The following FHIT variants were observed in gnomAD, a reference collection of about 807,000 sequenced individuals.
The protein encoded by FHIT is bis(5'-adenosyl)-triphosphatase.
FHIT carries 19 observed loss-of-function variants against 17.9 expected under a neutral mutation model. That is an observed-to-expected ratio of 1.06 (90% CI 0.74 to 1.56). The LOEUF is 1.56. FHIT is among the 40% of genes most tolerant of loss of function. FHIT has a pLI of 0.00. For synonymous variants in FHIT, 81 were observed against 69.7 expected (o/e 1.16, Z -0.81); for missense variants, 248 against 189.2 (o/e 1.31, Z -1.82).
At chr3:60,917,647 T>C (rs1448018428) in intron 3 of FHIT, among the ~76,000 whole-genome samples, 1 of 152,202 alleles carries the variant, frequency 6.6e-6, no homozygotes, top group Non-Finnish European at 1.5e-5. Context: ...TTCAGATGTT[T>C]TTCCTCCTTC....
intron 5 of FHIT, among the ~76,000 whole-genome samples, chr3:60,264,771 C>A (rs543138611): frequency 1.3e-5 from 2 of 151,892 alleles, no homozygotes; most frequent in Non-Finnish European, 2.9e-5. Flanking sequence ...AAACCATGTA[C>A]TCATTAATGA....
At chr3:59,835,411 A>C (rs1183538889) in intron 8 of FHIT, among the ~76,000 whole-genome samples, 1 of 152,164 alleles carries the variant, frequency 6.6e-6, no homozygotes, top group African/African-American at 2.4e-5. Flanking sequence ...TTACCTTCAT[A>C]ATAAAGAGAG....
rs144675880 is a variant in FHIT, at chr3:60,289,461, C to T, written c.103+247399G>A. The stretch of plus-strand genomic sequence containing the variant: ...TCCTTGTGGATTATAAAAGAGGAAA[C>T]GACTAACAGAAAAGGAATTATTCAC... On this transcript the variant is annotated intron_variant, in intron 5 of 9. Coordinates refer to ENST00000492590, the MANE Select transcript of FHIT (RefSeq NM_002012.4). Among the ~76,000 whole-genome samples the T allele has an allele frequency of 6.4e-4, 97 of 152,106 alleles. 1 individual carries two copies. In the East Asian group the frequency reaches 0.014, roughly 21 times the overall value.
At chr3:61,024,037 AC>A (rs1395255550) in intron 3 of FHIT, among the ~76,000 whole-genome samples, 2 of 152,162 alleles carry the variant, frequency 1.3e-5, no homozygotes, top group Admixed American at 6.5e-5. Flanking sequence ...TTCATGTTGG[AC>A]AGTATTATAA....
intron 8 of FHIT, among the ~76,000 whole-genome samples, chr3:59,863,958 T>A (rs1160538828): frequency 1.3e-5 from 2 of 152,156 alleles, no homozygotes; most frequent in Non-Finnish European, 2.9e-5. Flanking sequence ...GATGTGGCCA[T>A]GTGGCTTGCC....
rs756471931 is a variant in FHIT, at chr3:60,320,296, G to T, written c.103+216564C>A. ...GAAAACTGGGGCAGATGGGGGTGGCGCAGGATAGCGGCAGCGTTATTGTGA... is the reference window on the plus strand; with the variant it reads ...GAAAACTGGGGCAGATGGGGGTGGCTCAGGATAGCGGCAGCGTTATTGTGA... On this transcript the variant is annotated intron_variant, in intron 5 of 9. Transcript: ENST00000492590. Among the ~76,000 whole-genome samples, 6 of 152,126 alleles carry T rather than the reference G, an allele frequency of 3.9e-5. 1 individual carries two copies. Among genetic ancestry groups the T allele is most frequent in the Admixed American group, 3.9e-4 (6 of 15,276 alleles).
intron 8 of FHIT, among the ~76,000 whole-genome samples, chr3:59,812,771 C>T (rs1160753473): frequency 4.6e-5 from 7 of 152,156 alleles, no homozygotes; most frequent in Non-Finnish European, 1.0e-4. Context: ...GATGCATCTA[C>T]CCTCAAATGT....
At chr3:60,630,664 C>A (rs1206868088) in intron 4 of FHIT, among the ~76,000 whole-genome samples, 1 of 152,134 alleles carries the variant, frequency 6.6e-6, no homozygotes, top group South Asian at 2.1e-4. Context: ...CTCTGCCAGG[C>A]CCCTGCCCAT....
At chr3:61,167,490 A>G (rs937480116) in intron 2 of FHIT, among the ~76,000 whole-genome samples, 5 of 151,570 alleles carry the variant, frequency 3.3e-5, no homozygotes, top group African/African-American at 1.2e-4. Context: ...TACAAAAATT[A>G]GTCGGGCATG....
intron 3 of FHIT, among the ~76,000 whole-genome samples, chr3:60,961,378 T>C (rs1479253997): frequency 6.6e-6 from 1 of 152,236 alleles, no homozygotes; most frequent in Non-Finnish European, 1.5e-5. Context: ...ATTCTGTAGG[T>C]TGCCTGTTCA....
intron 8 of FHIT, among the ~76,000 whole-genome samples, chr3:59,800,774 AGCATTTTCTGAGCATTGCAGTG>A (rs1333698658): frequency 6.6e-6 from 1 of 152,178 alleles, no homozygotes; most frequent in Non-Finnish European, 1.5e-5. Flanking sequence ...GGACTTTGTA[AGCATTTTCTGAGCATTGCAGTG>A]GCTGAGTGTT....
intron 1 of FHIT, among the ~76,000 whole-genome samples, chr3:61,210,039 G>A (rs2039405005): frequency 6.6e-6 from 1 of 152,204 alleles, no homozygotes; most frequent in Admixed American, 6.5e-5. Context: ...CAGTCAGGAT[G>A]CTCAGCTGCA....
At chr3:59,769,639 C>T (rs549318110) in intron 8 of FHIT, among the ~76,000 whole-genome samples, 2 of 152,144 alleles carry the variant, frequency 1.3e-5, no homozygotes, top group Admixed American at 6.5e-5. Flanking sequence ...AATTATGTTT[C>T]GGATACCATA....
chr3:60,762,799 C>T (rs782652233), intron 4 of FHIT, among the ~76,000 whole-genome samples: 1 of 152,018 alleles, frequency 6.6e-6, no homozygotes, highest in Non-Finnish European at 1.5e-5. Flanking sequence ...GAGTAGCATC[C>T]CCCAGGGAAG....
chr3:60,342,253 G>A (rs1005329626), intron 5 of FHIT, among the ~76,000 whole-genome samples: 7 of 152,186 alleles, frequency 4.6e-5, no homozygotes, highest in Admixed American at 1.3e-4. Context: ...CATGAGCAAT[G>A]TTTAAGGAGC....
intron 5 of FHIT, among the ~76,000 whole-genome samples, chr3:60,195,850 T>A (rs1322371024): frequency 6.7e-6 from 1 of 148,212 alleles, no homozygotes. Context: ...ATACAGAATG[T>A]TATAATGGAC....
At chr3:61,043,123 C>A (rs2033605424) in intron 2 of FHIT, among the ~76,000 whole-genome samples, 1 of 152,090 alleles carries the variant, frequency 6.6e-6, no homozygotes, top group Admixed American at 6.6e-5. Flanking sequence ...AGTGGGTGCA[C>A]CCCATGGAGT....
chr3:59,974,637 C>T (rs570321561), intron 7 of FHIT, among the ~76,000 whole-genome samples: 22 of 152,186 alleles, frequency 1.4e-4, no homozygotes, highest in African/African-American at 4.6e-4. Context: ...ACCATGTTTG[C>T]GGGCAGAGAA....
intron 5 of FHIT, among the ~76,000 whole-genome samples, chr3:60,396,454 G>C (rs1701444790): frequency 6.6e-6 from 1 of 152,152 alleles, no homozygotes; most frequent in Admixed American, 6.5e-5. Flanking sequence ...TCTGTGCAGG[G>C]TGAAACAAAC....
Sources: allele counts gnomAD v4.1 joint callset (sites outside exome capture counted in the v4.1 genomes callset), GRCh38; gene constraint gnomAD v4.1.1; transcripts MANE v1.5; gene names NCBI Gene and HGNC (gene_info 2026-07-23, HGNC 2026-07-21).